The following ARID4B variants were observed in gnomAD, a reference collection of about 807,000 sequenced individuals.
The protein encoded by ARID4B is AT-rich interactive domain-containing protein 4B.
Under a neutral mutation model 147.5 loss-of-function variants are expected in ARID4B, and 26 were observed. That is an observed-to-expected ratio of 0.18 (90% CI 0.13 to 0.24). The LOEUF (loss-of-function observed/expected upper bound fraction) is 0.24, where lower values mean the gene tolerates loss of function less well. ARID4B is among the 10% of genes least tolerant of loss of function. The pLI is 1.00. For synonymous variants in ARID4B, 512 were observed against 507.9 expected (o/e 1.01, Z -0.11); for missense variants, 1,179 against 1,511.5 (o/e 0.78, Z 3.65).
intron 11 of ARID4B, among the ~76,000 whole-genome samples, chr1:235,225,525 C>T (rs1338344624): frequency 4.6e-5 from 7 of 152,128 alleles, no homozygotes; most frequent in Admixed American, 1.3e-4. Flanking sequence ...ATTCAACAAA[C>T]ACTTGAGCAC....
At chr1:235,326,892 C>G (rs773689204) in intron 2 of ARID4B, 22 bp downstream of exon 2, 5 of 1,613,810 alleles carry the variant, frequency 3.1e-6, no homozygotes, top group South Asian at 1.1e-5. Flanking sequence ...CCCAGAGATT[C>G]GTTTTCCGCA....
At chr1:235,219,518 T>C (rs1332880045) in intron 16 of ARID4B, among the ~76,000 whole-genome samples, 3 of 152,174 alleles carry the variant, frequency 2.0e-5, no homozygotes, top group Non-Finnish European at 4.4e-5. Flanking sequence ...TATCAAGTAA[T>C]TCAGCAGACC....
intron 2 of ARID4B, among the ~76,000 whole-genome samples, chr1:235,301,728 T>G (rs562354684): frequency 6.6e-6 from 1 of 151,048 alleles, no homozygotes; most frequent in East Asian, 2.0e-4. Flanking sequence ...TCTTTTTTTT[T>G]TGTGAGATGC....
chr1:235,282,444 G>A (rs778897751), intron 2 of ARID4B, among the ~76,000 whole-genome samples: 8 of 152,174 alleles, frequency 5.3e-5, no homozygotes, highest in Non-Finnish European at 1.0e-4. Context: ...TAGTGAATGC[G>A]AAAATTAGTT....
chr1:235,277,536 C>CAA lies in ARID4B; in HGVS notation c.7-16786_7-16785dup, dbSNP rs576771466. Among the ~76,000 whole-genome samples, 353 of 87,272 alleles carry CAA rather than the reference C, an allele frequency of 4.0e-3. 7 individuals carry two copies. The highest frequency in any genetic ancestry group is 0.013 in the Middle Eastern group (2 of 152). 57.3% of individuals were successfully genotyped at this position (87,272 alleles called of 152,430 possible). Reference sequence around the variant, plus strand: ...CCTGGGCGACAGCGAGACTCCGTCTCAAAAAAAAAAAAAAATAATAATAAT... The same window carrying CAA: ...CCTGGGCGACAGCGAGACTCCGTCTCAAAAAAAAAAAAAAAAATAATAATAAT... On this transcript the variant is annotated intron_variant, in intron 2 of 23. Transcript: ENST00000264183.
chr1:235,223,068 C>CT, intron 13 of ARID4B, 98 bp downstream of exon 13: 1 of 770,710 alleles, frequency 1.3e-6, no homozygotes, highest in Non-Finnish European at 2.1e-6. Flanking sequence ...TACTGAAAAA[C>CT]TTTGTTTTGT....
At chr1:235,303,019 G>T (rs1673293954) in intron 2 of ARID4B, among the ~76,000 whole-genome samples, 1 of 151,806 alleles carries the variant, frequency 6.6e-6, no homozygotes, top group African/African-American at 2.4e-5. Context: ...CGCCTCCCGG[G>T]TTCACGCCAT....
chr1:235,270,617 G>A lies in ARID4B; in HGVS notation c.7-9865C>T, dbSNP rs566741683. ...TATTCTAACTAGAATTTTCTGCCTC[G>A]GCAAACAGGCAAGAGAGAAATTGGG... On this transcript the variant is annotated intron_variant, in intron 2 of 23. Coordinates refer to ENST00000264183, the MANE Select transcript of ARID4B (RefSeq NM_016374.6). Among the ~76,000 whole-genome samples the A allele has an allele frequency of 5.9e-5, 9 of 152,206 alleles. No individual in the cohort carries two copies. The South Asian group carries it at 1.5e-3, about 25-fold the overall frequency.
Position 235,300,360 on chromosome 1 carries a change from T to G in ARID4B, c.6+26554A>C, listed in dbSNP as rs60623887. On this transcript the variant is annotated intron_variant, in intron 2 of 23. Coordinates refer to ENST00000264183, the MANE Select transcript of ARID4B (RefSeq NM_016374.6). Reference sequence around the variant, plus strand: ...TGAACCCAGGAGGTGGAGGTTGTAGTGAGCCGAGATCATGCCACTGCACTC... The same window carrying G: ...TGAACCCAGGAGGTGGAGGTTGTAGGGAGCCGAGATCATGCCACTGCACTC... 7.7e-3 allele frequency among the ~76,000 whole-genome samples: 1,172 copies of G among 151,362 alleles called. 16 individuals carry two copies. The highest frequency in any genetic ancestry group is 0.027 in the African/African-American group (1,130 of 41,166).
intron 2 of ARID4B, among the ~76,000 whole-genome samples, chr1:235,269,605 A>G (rs60516649): frequency 0.04 from 6,090 of 152,286 alleles, 459 homozygotes; most frequent in African/African-American, 0.14. Flanking sequence ...GAGTACATAC[A>G]TATGTACACA....
Position 235,168,457 on chromosome 1 carries a change from T to C in ARID4B, c.*68A>G. Reference sequence around the variant, plus strand: ...CTTGTCTGATATTTTTTTGTGCCACTGTGCAGTATAAAAAAAAAGTGGCCC... The same window carrying C: ...CTTGTCTGATATTTTTTTGTGCCACCGTGCAGTATAAAAAAAAAGTGGCCC... On this transcript the variant is annotated 3_prime_UTR_variant, in exon 24 of 24. Transcript: ENST00000264183. 1 of 1,543,058 alleles carries C rather than the reference T, an allele frequency of 6.5e-7. No homozygotes were observed. Among genetic ancestry groups the C allele is most frequent in the Non-Finnish European group, 8.8e-7 (1 of 1,138,620 alleles).
chr1:235,230,502 T>TATTTTATTTACCAGGCAAAAAGC lies in ARID4B; in HGVS notation c.742+610_742+611insGCTTTTTGCCTGGTAAATAAAAT, dbSNP rs1160321984. ...TTCTTCTACCATTCCCAGAAACTAA[T>TATTTTATTTACCAGGCAAAAAGC]ATTTTATTTACCAGGCAAAAGCTAG... On this transcript the variant is annotated intron_variant, in intron 10 of 23. Transcript: ENST00000264183. Among the ~76,000 whole-genome samples the TATTTTATTTACCAGGCAAAAAGC allele has an allele frequency of 1.9e-4, 28 of 149,644 alleles. 1 individual carries two copies. The South Asian group carries it at 2.5e-3, about 13-fold the overall frequency.
chr1:235,201,518 G>A (rs1053355391), intron 17 of ARID4B, among the ~76,000 whole-genome samples: 33 of 152,078 alleles, frequency 2.2e-4, no homozygotes, highest in African/African-American at 7.2e-4. Context: ...GAGAGAGGGT[G>A]TCACTATGTT....
At chr1:235,171,733 G>A (rs1411859371) in intron 23 of ARID4B, among the ~76,000 whole-genome samples, 1 of 151,968 alleles carries the variant, frequency 6.6e-6, no homozygotes, top group Non-Finnish European at 1.5e-5. Context: ...TCTGCCTCCT[G>A]GGTTTAAGCA....
chr1:235,214,379 C>CA lies in ARID4B; in HGVS notation c.1584-354dup, dbSNP rs943244931. Among the ~76,000 whole-genome samples the CA allele has an allele frequency of 2.2e-4, 34 of 152,000 alleles. 1 individual carries two copies. The highest frequency in any genetic ancestry group is 4.4e-5 in the Non-Finnish European group (3 of 67,988). ...AAAAGTGTTTTAACATCTCAATTGA[C>CA]AAAAAAATTCATTATACTTCATTGC... On this transcript the variant is annotated intron_variant, in intron 16 of 23. Transcript: ENST00000264183.
intron 2 of ARID4B, among the ~76,000 whole-genome samples, chr1:235,283,533 T>A (rs1671793120): frequency 6.6e-6 from 1 of 152,190 alleles, no homozygotes; most frequent in African/African-American, 2.4e-5. Flanking sequence ...TTTTCCATAC[T>A]TTCTACCATG....
chr1:235,240,486 TC>T (rs1293421846), intron 7 of ARID4B, 35 bp from the exon 8 acceptor site: 1 of 1,590,734 alleles, frequency 6.3e-7, no homozygotes, highest in Non-Finnish European at 8.6e-7. Flanking sequence ...TTTCCATTTA[TC>T]CTCACAAAGA....
chr1:235,182,051 C>A lies in ARID4B; in HGVS notation c.2868G>T (p.Pro956=). 2.5e-6 allele frequency: 4 copies of A among 1,614,122 alleles called. No homozygotes were observed. Among genetic ancestry groups the A allele is most frequent in the Non-Finnish European group, 3.4e-6 (4 of 1,180,024 alleles). ...DSDTEAAASP[P]HPAPEEGVAE... ...CCACCCCCTCCTCTGGGGCAGGATG[C>A]GGTGGGGAAGCTGCAGCCTCAGTAT... Residue 956 remains proline, a synonymous_variant, in exon 20 of 24, where the codon CCG becomes CCT. Coordinates refer to ENST00000264183, the MANE Select transcript of ARID4B (RefSeq NM_016374.6).
At chr1:235,200,039 C>T (rs1156380824) in intron 17 of ARID4B, among the ~76,000 whole-genome samples, 1 of 150,780 alleles carries the variant, frequency 6.6e-6, no homozygotes, top group Admixed American at 6.6e-5. Context: ...TGTGGGGAGG[C>T]CGGGCACGGT....
Sources: allele counts gnomAD v4.1 joint callset (sites outside exome capture counted in the v4.1 genomes callset), GRCh38; gene constraint gnomAD v4.1.1; transcripts MANE v1.5; gene names NCBI Gene and HGNC (gene_info 2026-07-23, HGNC 2026-07-21).